Variants in SLIT2 observed in about 807,000 individuals in gnomAD.
SLIT2 encodes slit homolog 2 protein.
Under a neutral mutation model 185.7 loss-of-function variants are expected in SLIT2, and 41 were observed. That is an observed-to-expected ratio of 0.22 (90% CI 0.17 to 0.29). The LOEUF (loss-of-function observed/expected upper bound fraction) is 0.29. SLIT2 is among the 10% of genes least tolerant of loss of function. SLIT2 has a pLI of 1.00. For synonymous variants in SLIT2, 693 were observed against 680.2 expected (o/e 1.02, Z -0.29); for missense variants, 1,571 against 1,909.0 (o/e 0.82, Z 3.30).
At chr4:20,447,690 T>C (rs1711969949) in intron 4 of SLIT2, among the ~76,000 whole-genome samples, 1 of 152,146 alleles carries the variant, frequency 6.6e-6, no homozygotes, top group African/African-American at 2.4e-5. Flanking sequence ...GGCATCCATA[T>C]TGTCTGCGTT....
At position 20,541,705 on chromosome 4, in the gene SLIT2, A is replaced by T. The variant is rs11944726; in HGVS notation, c.2143+86A>T. The T allele has an allele frequency of 5.9e-4, 687 of 1,157,988 alleles. 5 individuals are homozygous for T. In the African/African-American group the frequency reaches 9.2e-3, roughly 15 times the overall value. The allele number at this position is 1,157,988 out of a possible 1,614,324, so 71.7% of individuals were successfully genotyped here. On this transcript the variant is annotated intron_variant, in intron 20 of 36. Coordinates refer to ENST00000504154, the MANE Select transcript of SLIT2 (RefSeq NM_004787.4). Reference sequence around the variant, plus strand: ...TTTGCACAAATCTACAGCATAGTTCAGCTCAGCAAATAATGATCGTGTATC... The same window carrying T: ...TTTGCACAAATCTACAGCATAGTTCTGCTCAGCAAATAATGATCGTGTATC...
intron 4 of SLIT2, among the ~76,000 whole-genome samples, chr4:20,403,110 C>T (rs1444580645): frequency 2.0e-5 from 3 of 151,670 alleles, no homozygotes; most frequent in African/African-American, 7.3e-5. Context: ...CTTTTGGGAT[C>T]CAGATGCAAC....
At chr4:20,521,875 AT>A (rs3836697) in intron 12 of SLIT2, among the ~76,000 whole-genome samples, 21,506 of 152,094 alleles carry the variant, frequency 0.14, 1,590 homozygotes, top group East Asian at 0.23. Context: ...AGGAGAAAAT[AT>A]TTTTTAGTAT....
intron 4 of SLIT2, among the ~76,000 whole-genome samples, chr4:20,300,990 T>C (rs1327376679): frequency 6.6e-6 from 1 of 152,078 alleles, no homozygotes; most frequent in African/African-American, 2.4e-5. Flanking sequence ...CCTTAACATA[T>C]AGTACAGATT....
intron 4 of SLIT2, among the ~76,000 whole-genome samples, chr4:20,325,053 C>T (rs1719443810): frequency 6.6e-6 from 1 of 151,980 alleles, no homozygotes; most frequent in African/African-American, 2.4e-5. Context: ...TCCTTCTCTC[C>T]CTTTCCTTTT....
chr4:20,366,613 C>G (rs1385886186), intron 4 of SLIT2, among the ~76,000 whole-genome samples: 3 of 152,120 alleles, frequency 2.0e-5, no homozygotes, highest in Non-Finnish European at 4.4e-5. Flanking sequence ...TGTCATCATT[C>G]ATTGCATGTG....
chr4:20,609,122 C>T (rs1729017551), intron 33 of SLIT2, among the ~76,000 whole-genome samples: 1 of 152,186 alleles, frequency 6.6e-6, no homozygotes, highest in South Asian at 2.1e-4. Flanking sequence ...TATGCAACTA[C>T]ACTTTAAAAC....
In SLIT2 at chr4:20,253,460, G is replaced by A. The variant is rs964896978; in HGVS notation, c.-356G>A. On this transcript the variant is annotated 5_prime_UTR_variant, in exon 1 of 37. Coordinates refer to ENST00000504154, the MANE Select transcript of SLIT2 (RefSeq NM_004787.4). ...AACCGGCCCCTGCATCTTAGCAGCC[G>A]TTGGAAGCCCCAGCTCTTTTACCGC... The A allele has an allele frequency of 1.0e-5, 3 of 290,744 alleles. No homozygotes were observed. Among genetic ancestry groups the A allele is most frequent in the Non-Finnish European group, 1.9e-5 (3 of 154,040 alleles). The allele number at this position is 290,744 out of a possible 1,614,324, so 18.0% of individuals were successfully genotyped here.
intron 4 of SLIT2, among the ~76,000 whole-genome samples, chr4:20,314,769 AT>A (rs1206523306): frequency 6.6e-6 from 1 of 152,156 alleles, no homozygotes; most frequent in Admixed American, 6.5e-5. Context: ...TTAACAGGTA[AT>A]TCACAAAGAA....
chr4:20,268,726 G>A (rs1445224267), intron 3 of SLIT2, 84 bp from the exon 4 acceptor site: 4 of 860,226 alleles, frequency 4.6e-6, no homozygotes, highest in Non-Finnish European at 8.0e-6. Flanking sequence ...TGAAATACAG[G>A]ATGAGGCATG....
intron 4 of SLIT2, among the ~76,000 whole-genome samples, chr4:20,328,474 A>C (rs1350530857): frequency 6.6e-6 from 1 of 152,032 alleles, no homozygotes; most frequent in Admixed American, 6.6e-5. Context: ...AGGTTCAAAA[A>C]TGTTAGTTAA....
chr4:20,372,085 A>G (rs147489707), intron 4 of SLIT2, among the ~76,000 whole-genome samples: 1,998 of 152,162 alleles, frequency 0.013, 18 homozygotes, highest in Non-Finnish European at 0.019. Flanking sequence ...TTCTTCACCC[A>G]CTTTTAGAGT....
chr4:20,452,826 A>G (rs190531394), intron 4 of SLIT2, among the ~76,000 whole-genome samples: 254 of 152,302 alleles, frequency 1.7e-3, no homozygotes, highest in Middle Eastern at 3.4e-3. Context: ...CTGCTGTGGG[A>G]ACCGAGGCCT....
intron 4 of SLIT2, among the ~76,000 whole-genome samples, chr4:20,296,460 C>T (rs1716492081): frequency 6.6e-6 from 1 of 152,116 alleles, no homozygotes; most frequent in Non-Finnish European, 1.5e-5. Flanking sequence ...CTAATTACAG[C>T]AATTGGTAAA....
At chr4:20,492,411 T>G (rs1717862912) in intron 9 of SLIT2, among the ~76,000 whole-genome samples, 1 of 152,244 alleles carries the variant, frequency 6.6e-6, no homozygotes. Context: ...GTGCATGTTT[T>G]AGCCTATTTG....
rs116102386 is a variant in SLIT2, at chr4:20,416,862, A to C, written c.396-50890A>C. The stretch of plus-strand genomic sequence containing the variant: ...TTGGAAAAATGTCCCTGTTCAGTTA[A>C]ACAAGTTAAGCCTGATCTTAAGTGT... On this transcript the variant is annotated intron_variant, in intron 4 of 36. Coordinates refer to ENST00000504154, the MANE Select transcript of SLIT2 (RefSeq NM_004787.4). Among the ~76,000 whole-genome samples the C allele has an allele frequency of 7.3e-3, 1,115 of 152,332 alleles. 4 individuals are homozygous for C. Among genetic ancestry groups the C allele is most frequent in the Middle Eastern group, 0.014 (4 of 294 alleles).
chr4:20,544,473 A>G (rs138419217), intron 21 of SLIT2, among the ~76,000 whole-genome samples: 2 of 152,292 alleles, frequency 1.3e-5, no homozygotes, highest in African/African-American at 2.4e-5. Context: ...AATCTATTTT[A>G]CTACAAATTA....
At chr4:20,394,119 C>T (rs533064845) in intron 4 of SLIT2, among the ~76,000 whole-genome samples, 1 of 151,950 alleles carries the variant, frequency 6.6e-6, no homozygotes, top group African/African-American at 2.4e-5. Context: ...GTGTGAGAAC[C>T]TCCATCATTT....
chr4:20,413,299 A>ACAAC (rs1727398518), intron 4 of SLIT2, among the ~76,000 whole-genome samples: 1 of 151,912 alleles, frequency 6.6e-6, no homozygotes, highest in African/African-American at 2.4e-5. Flanking sequence ...TTTGTTATTT[A>ACAAC]TTTCTAATTT....
Sources: allele counts gnomAD v4.1 joint callset (sites outside exome capture counted in the v4.1 genomes callset), GRCh38; gene constraint gnomAD v4.1.1; transcripts MANE v1.5; gene names NCBI Gene and HGNC (gene_info 2026-07-23, HGNC 2026-07-21).